The following RBPJ variants were observed in gnomAD, a reference collection of about 807,000 sequenced individuals.
RBPJ encodes the protein recombination signal binding protein for immunoglobulin kappa J region.
In RBPJ, 9 loss-of-function variants were observed where a neutral mutation model predicts 67.8. That is an observed-to-expected ratio of 0.13 (90% CI 0.08 to 0.23). The LOEUF (loss-of-function observed/expected upper bound fraction) is 0.23. RBPJ is among the 10% of genes least tolerant of loss of function. RBPJ has a pLI of 1.00. For synonymous variants in RBPJ, 198 were observed against 203.3 expected (o/e 0.97, Z 0.22); for missense variants, 305 against 595.6 (o/e 0.51, Z 5.08).
the RBPJ span, among the ~76,000 whole-genome samples, chr4:26,118,290 G>T: frequency 1.3e-5 from 2 of 152,332 alleles, no homozygotes; most frequent in East Asian, 3.9e-4. Flanking sequence ...ACACGGATCT[G>T]CCAGGTGTTT....
chr4:26,385,110 T>C (rs2109626594), intron 1 of RBPJ, among the ~76,000 whole-genome samples: 1 of 147,950 alleles, frequency 6.8e-6, no homozygotes, highest in Non-Finnish European at 1.5e-5. Flanking sequence ...AACCACTGCC[T>C]CCTGGGTTCA....
At chr4:26,384,105 C>T (rs1478738000) in intron 1 of RBPJ, 1 of 152,126 alleles carries the variant, frequency 6.6e-6, no homozygotes, top group Non-Finnish European at 1.5e-5. Flanking sequence ...ACCTTGGGCT[C>T]CCAAAGTGCT....
chr4:26,427,192 G>C (rs1471407387), intron 7 of RBPJ, among the ~76,000 whole-genome samples: 1 of 152,140 alleles, frequency 6.6e-6, no homozygotes. Flanking sequence ...GAATTTGCTG[G>C]CAGATTGGAT....
intron 1 of RBPJ, among the ~76,000 whole-genome samples, chr4:26,166,654 C>T (rs2109112379): frequency 6.6e-6 from 1 of 151,960 alleles, no homozygotes; most frequent in Non-Finnish European, 1.5e-5. Context: ...AAAATGTTCT[C>T]CCGTTTTGTA....
chr4:26,111,741 C>T, the RBPJ span: 6 of 152,156 alleles, frequency 3.9e-5, no homozygotes, highest in African/African-American at 1.4e-4. Context: ...GAGAGAGAAC[C>T]TAAATTGGTA....
chr4:26,263,888 GT>G (rs1720625711), intron 1 of RBPJ, among the ~76,000 whole-genome samples: 2 of 133,728 alleles, frequency 1.5e-5, no homozygotes, highest in Non-Finnish European at 1.6e-5. Flanking sequence ...TTTTGTTTTT[GT>G]TTTGAGATAG....
intron 1 of RBPJ, among the ~76,000 whole-genome samples, chr4:26,194,320 C>G (rs1379037204): frequency 1.3e-5 from 2 of 152,148 alleles, no homozygotes; most frequent in South Asian, 2.1e-4. Context: ...CCCAAAGGCT[C>G]TAGTCTCAGC....
intron 4 of RBPJ, among the ~76,000 whole-genome samples, chr4:26,416,534 T>C (rs1396290908): frequency 1.3e-5 from 2 of 152,330 alleles, no homozygotes; most frequent in Middle Eastern, 6.8e-3. Flanking sequence ...CCAGCCAATC[T>C]ATACTTTTAG....
the RBPJ span, among the ~76,000 whole-genome samples, chr4:26,152,450 GAT>G: frequency 1.3e-5 from 2 of 152,228 alleles, no homozygotes; most frequent in African/African-American, 4.8e-5. Context: ...AGCCCCTTGT[GAT>G]GGGAAAACTT....
chr4:26,124,817 G>A, the RBPJ span, among the ~76,000 whole-genome samples: 1 of 152,050 alleles, frequency 6.6e-6, no homozygotes, highest in Non-Finnish European at 1.5e-5. Flanking sequence ...GTAATGCATC[G>A]TGCTATGATG....
chr4:26,179,164 C>G (rs1716896265), intron 1 of RBPJ, among the ~76,000 whole-genome samples: 1 of 151,984 alleles, frequency 6.6e-6, no homozygotes, highest in Non-Finnish European at 1.5e-5. Flanking sequence ...TAGCTGATGA[C>G]AGACTCCTTT....
chr4:26,203,326 A>G (rs1718055594), intron 1 of RBPJ, among the ~76,000 whole-genome samples: 1 of 152,194 alleles, frequency 6.6e-6, no homozygotes, highest in Non-Finnish European at 1.5e-5. Flanking sequence ...TCTTTGCCAC[A>G]TGCCCACATG....
At chr4:26,147,709 C>T in the RBPJ span, among the ~76,000 whole-genome samples, 1 of 152,208 alleles carries the variant, frequency 6.6e-6, no homozygotes, top group South Asian at 2.1e-4. Flanking sequence ...AGCTCCGCCT[C>T]CTGGGTTCAA....
the RBPJ span, among the ~76,000 whole-genome samples, chr4:26,136,102 G>C: frequency 2.6e-5 from 4 of 152,126 alleles, no homozygotes; most frequent in African/African-American, 9.7e-5. Flanking sequence ...GATCCCGTGA[G>C]ACTTATTCGC....
intron 1 of RBPJ, among the ~76,000 whole-genome samples, chr4:26,289,384 C>CAAAAAAAAAAAAAAAAAAAAAAAAAAAA (rs60159669): frequency 6.9e-4 from 54 of 78,314 alleles, no homozygotes; most frequent in Middle Eastern, 8.2e-3. Flanking sequence ...GACTTGGTCT[C>CAAAAAAAAAAAAAAAAAAAAAAAAAAAA]AAAAAAAAAA....
intron 1 of RBPJ, among the ~76,000 whole-genome samples, chr4:26,223,137 A>G (rs1217686990): frequency 6.7e-6 from 1 of 148,964 alleles, no homozygotes; most frequent in African/African-American, 2.5e-5. Flanking sequence ...CCTGGGCAAC[A>G]GTGCGAGACA....
At chr4:26,193,145 T>G (rs971723716) in intron 1 of RBPJ, among the ~76,000 whole-genome samples, 4 of 152,202 alleles carry the variant, frequency 2.6e-5, no homozygotes, top group Non-Finnish European at 5.9e-5. Context: ...TTAAGATCCA[T>G]GTCACCTTCT....
intron 1 of RBPJ, among the ~76,000 whole-genome samples, chr4:26,366,852 G>A (rs916878477): frequency 3.3e-5 from 5 of 152,102 alleles, no homozygotes; most frequent in African/African-American, 1.2e-4. Context: ...TAGGCCGGGC[G>A]TCGTGTTTCA....
chr4:26,319,982 T>G (rs1722849370), upstream of RBPJ: 4 of 1,126,948 alleles, frequency 3.5e-6, no homozygotes, highest in Non-Finnish European at 5.1e-6. Flanking sequence ...TCAGGCCGCC[T>G]GAAGCGCGAT....
Sources: gnomAD v4.1 joint callset for allele counts (sites outside exome capture counted in the v4.1 genomes callset) on GRCh38, gnomAD v4.1.1 for gene constraint, MANE v1.5 for transcripts, NCBI Gene and HGNC (gene_info 2026-07-23, HGNC 2026-07-21) for gene names.